Variants in PDXDC1 observed in about 807,000 individuals in gnomAD.
PDXDC1 encodes the protein pyridoxal-dependent decarboxylase domain-containing protein 1.
PDXDC1 carries 42 observed loss-of-function variants against 100.1 expected under a neutral mutation model. The ratio of observed to expected loss-of-function variants is 0.42; its 90% CI spans 0.33 to 0.54. PDXDC1 has a LOEUF of 0.54. PDXDC1 is among the 20% of genes least tolerant of loss of function. The pLI, the probability that PDXDC1 is intolerant of heterozygous loss-of-function variation, is 0.10. For synonymous variants in PDXDC1, 260 were observed against 371.7 expected (o/e 0.70, Z 3.46); for missense variants, 636 against 979.2 (o/e 0.65, Z 4.68).
chr16:15,015,651 G>A (rs1479845009), intron 8 of PDXDC1, among the ~76,000 whole-genome samples: 1 of 152,230 alleles, frequency 6.6e-6, no homozygotes, highest in African/African-American at 2.4e-5. Context: ...CTGGGAGGTG[G>A]AGGTTGCAGA....
At chr16:15,043,778 T>A (rs145686441) in intron 16 of PDXDC1, among the ~76,000 whole-genome samples, 1 of 152,200 alleles carries the variant, frequency 6.6e-6, no homozygotes, top group Non-Finnish European at 1.5e-5. Context: ...TGAAACCCCA[T>A]TTCTACCAAA....
chr16:15,127,396 A>T (rs1185950236), intron 16 of PDXDC1: 2 of 1,209,022 alleles, frequency 1.7e-6, no homozygotes, highest in African/African-American at 3.1e-5. Flanking sequence ...AGCACTGGAA[A>T]GTGGCGGCTC....
chr16:15,131,564 G>C, intron 16 of PDXDC1: 3 of 1,608,918 alleles, frequency 1.9e-6, no homozygotes, highest in East Asian at 2.2e-5. Flanking sequence ...TCCTCGTTGA[G>C]CACGCGGGAG....
intron 16 of PDXDC1, chr16:15,084,749 G>C: frequency 1.5e-6 from 2 of 1,357,860 alleles, no homozygotes; most frequent in Non-Finnish European, 2.1e-6. Context: ...AAACAAAACT[G>C]AAGGGCGACA....
At chr16:15,087,986 T>C (rs1478391934) in intron 16 of PDXDC1, among the ~76,000 whole-genome samples, 1 of 152,040 alleles carries the variant, frequency 6.6e-6, no homozygotes, top group Non-Finnish European at 1.5e-5. Flanking sequence ...TGGTGGTGCA[T>C]GCCCGTAATC....
chr16:15,122,940 G>A (rs997364328), intron 16 of PDXDC1, among the ~76,000 whole-genome samples: 11 of 150,110 alleles, frequency 7.3e-5, no homozygotes, highest in African/African-American at 2.2e-4. Flanking sequence ...GAAGAAAGGG[G>A]TCTGGGAAAG....
At chr16:14,979,719 A>G (rs1323393778) in intron 1 of PDXDC1, among the ~76,000 whole-genome samples, 4 of 152,278 alleles carry the variant, frequency 2.6e-5, no homozygotes, top group Non-Finnish European at 4.4e-5. Flanking sequence ...CTTTCCTGCT[A>G]TTTGGGACTG....
chr16:15,096,620 A>G (rs2046364291), intron 16 of PDXDC1, among the ~76,000 whole-genome samples: 1 of 152,264 alleles, frequency 6.6e-6, no homozygotes, highest in South Asian at 2.1e-4. Flanking sequence ...CTTCACTTCC[A>G]AGGGAAAGCA....
intron 16 of PDXDC1, among the ~76,000 whole-genome samples, chr16:15,058,831 C>A (rs2044616522): frequency 6.6e-6 from 1 of 152,178 alleles, no homozygotes; most frequent in Non-Finnish European, 1.5e-5. Context: ...ATGGGGGTCT[C>A]ACTATGTTGC....
intron 16 of PDXDC1, among the ~76,000 whole-genome samples, chr16:15,090,804 A>G (rs1370212186): frequency 6.6e-6 from 1 of 152,210 alleles, no homozygotes; most frequent in Admixed American, 6.5e-5. Flanking sequence ...GAATGGTGAA[A>G]CAAAATGCAT....
intron 16 of PDXDC1, among the ~76,000 whole-genome samples, chr16:15,089,548 C>T (rs1356724220): frequency 6.6e-6 from 1 of 152,262 alleles, no homozygotes; most frequent in East Asian, 1.9e-4. Context: ...CGCCTCTAAT[C>T]CCAGCACTTT....
At chr16:15,095,813 G>C (rs1006998001) in intron 16 of PDXDC1, among the ~76,000 whole-genome samples, 4 of 150,636 alleles carry the variant, frequency 2.7e-5, no homozygotes, top group African/African-American at 9.8e-5. Context: ...TCGTGCCATT[G>C]CACTCCAGCC....
At chr16:15,004,489 G>T (rs1232013963) in intron 5 of PDXDC1, among the ~76,000 whole-genome samples, 156 bp downstream of exon 5, 1 of 152,298 alleles carries the variant, frequency 6.6e-6, no homozygotes, top group African/African-American at 2.4e-5. Context: ...GTTAGATGGG[G>T]ATAGTATTAA....
chr16:15,104,077 CAGG>C (rs2046670187), intron 16 of PDXDC1, among the ~76,000 whole-genome samples: 1 of 38,348 alleles, frequency 2.6e-5, no homozygotes, highest in Non-Finnish European at 5.1e-5. Flanking sequence ...GAGGCTGGGG[CAGG>C]AGGATTGCTT....
chr16:15,039,917 A>G, downstream of PDXDC1: 1 of 1,049,148 alleles, frequency 9.5e-7, no homozygotes, highest in Non-Finnish European at 1.4e-6. Context: ...AGGCCTTGAC[A>G]TTTGATGCCT....
chr16:15,060,349 T>A (rs1009226081), intron 16 of PDXDC1: 1 of 201,414 alleles, frequency 5.0e-6, no homozygotes, highest in Non-Finnish European at 1.0e-5. Flanking sequence ...TCCAAAACTT[T>A]AAAGCAATAA....
At chr16:15,041,541 G>T, downstream of PDXDC1, 1 of 912,560 alleles carries the variant, frequency 1.1e-6, no homozygotes, top group Non-Finnish European at 1.9e-6. Flanking sequence ...AGTGTGTGCC[G>T]GTGCTTGGGC....
intron 8 of PDXDC1, 99 bp downstream of exon 8, chr16:15,009,858 C>G: frequency 1.3e-6 from 2 of 1,599,604 alleles, no homozygotes; most frequent in Non-Finnish European, 1.7e-6. Flanking sequence ...GTGTGTGTAC[C>G]ACATGTTTAA....
At chr16:15,098,548 C>T (rs1281477039) in intron 16 of PDXDC1, among the ~76,000 whole-genome samples, 1 of 152,002 alleles carries the variant, frequency 6.6e-6, no homozygotes, top group Non-Finnish European at 1.5e-5. Flanking sequence ...TCCTCCCTAC[C>T]TTTCAGCCAT....
Sources: allele counts gnomAD v4.1 joint callset (sites outside exome capture counted in the v4.1 genomes callset), GRCh38; gene constraint gnomAD v4.1.1; transcripts MANE v1.5; gene names NCBI Gene and HGNC (gene_info 2026-07-23, HGNC 2026-07-21).